MTX3: variants seen among roughly 807,000 people sequenced by gnomAD.
MTX3 encodes metaxin 3.
Under a neutral mutation model 42.5 loss-of-function variants are expected in MTX3, and 27 were observed. The ratio of observed to expected loss-of-function variants is 0.64; its 90% CI spans 0.47 to 0.88. The LOEUF is 0.88. Among genes scored for constraint, MTX3 ranks in the 40% least tolerant of loss-of-function variants. MTX3 has a pLI of 0.00. For missense variants in MTX3, 378 were observed against 367.0 expected (o/e 1.03, Z -0.25); for synonymous variants, 144 against 132.9 (o/e 1.08, Z -0.57).
rs1463800562 is a variant in MTX3 at position 79,981,371 on chromosome 5, T to C, written c.*2313A>G. 1.3e-5 allele frequency: 2 copies of C among 152,124 alleles called. No individual in the cohort carries two copies. The highest frequency in any genetic ancestry group is 6.6e-5 in the Admixed American group (1 of 15,266). The allele number at this position is 152,124 out of a possible 1,614,324, so 9.4% of individuals were successfully genotyped here. On this transcript the variant is annotated 3_prime_UTR_variant, in exon 9 of 9. Transcript: ENST00000512528. Reference sequence around the variant, plus strand: ...GGTGATCTGGAAGCATTATGGACTATAGTGAGAATGTAAGGCTAACAGCAG... The same window carrying C: ...GGTGATCTGGAAGCATTATGGACTACAGTGAGAATGTAAGGCTAACAGCAG...
chr5:79,983,606 T>C lies in MTX3; in HGVS notation c.*78A>G. ...CTTCCTTAATACCTATTATGGTATC[T>C]TCTTTTTGCCTTCACACACTTGGTG... On this transcript the variant is annotated 3_prime_UTR_variant, in exon 9 of 9. Coordinates refer to ENST00000512528, the MANE Select transcript of MTX3 (RefSeq NM_001363818.2). 9.7e-7 allele frequency: 1 copy of C among 1,029,748 alleles called. No homozygotes were observed. The allele number at this position is 1,029,748 out of a possible 1,614,324, so 63.8% of individuals were successfully genotyped here.
Position 79,990,909 on chromosome 5 carries a change from C to G in MTX3, c.82-246G>C, listed in dbSNP as rs1580892420. 10 of 708,632 alleles carry G rather than the reference C, an allele frequency of 1.4e-5. No homozygotes were observed. The East Asian group carries it at 2.7e-4, about 19-fold the overall frequency. The allele number at this position is 708,632 out of a possible 1,614,324, so 43.9% of individuals were successfully genotyped here. The stretch of plus-strand genomic sequence containing the variant: ...CCCCTTGCTTCGGGGTTTCACTCCA[C>G]CGCCCAGACAGCTTTGTGAGGCGGA... On this transcript the variant is annotated intron_variant, in intron 1 of 8. Transcript: ENST00000512528.
At chr5:79,990,991 T>C (rs1488313758) in intron 1 of MTX3, 167 bp downstream of exon 1, 3 of 779,826 alleles carry the variant, frequency 3.8e-6, no homozygotes, top group Admixed American at 2.0e-5. Flanking sequence ...TCGGCGGGGG[T>C]ATCGGCCAGG....
chr5:79,986,870 T>G (rs1831502713), intron 7 of MTX3, 80 bp downstream of exon 7: 3 of 1,391,646 alleles, frequency 2.2e-6, no homozygotes, highest in Non-Finnish European at 3.0e-6. Context: ...ACTTCTAAAA[T>G]TAAAATAAGT....
At position 79,990,216 on chromosome 5, in the gene MTX3, T is replaced by G. The variant is rs960089444; in HGVS notation, c.172A>C (p.Thr58Pro). The G allele has an allele frequency of 6.2e-7, 1 of 1,609,480 alleles. No homozygotes were observed. The highest frequency in any genetic ancestry group is 8.5e-7 in the Non-Finnish European group (1 of 1,177,908). Residue 58 changes from threonine (T) to proline (P), a missense_variant, in exon 3 of 9, where the codon ACT becomes CCT. Transcript: ENST00000512528. ...GGCTGAGAAACCATGTCGTCTTCAGTTGTCAAAATTGGTACATCGCCTATA... is the reference window on the plus strand; with the variant it reads ...GGCTGAGAAACCATGTCGTCTTCAGGTGTCAAAATTGGTACATCGCCTATA... ...GSRGDVPILT[T>P]EDDMVSQPAK...
At position 79,983,846 on chromosome 5, in the gene MTX3, T is replaced by G; in HGVS notation, c.829-52A>C. ...GACTAATGCTGTGGCACCGCTTATGTGGACTGTGGCCTCCCCATCCAAACT... is the reference window on the plus strand; with the variant it reads ...GACTAATGCTGTGGCACCGCTTATGGGGACTGTGGCCTCCCCATCCAAACT... On this transcript the variant is annotated intron_variant, in intron 8 of 8. Transcript: ENST00000512528. The G allele has an allele frequency of 3.2e-6, 4 of 1,236,612 alleles. No homozygotes were observed. The South Asian group carries it at 5.1e-5, about 16-fold the overall frequency. 76.6% of individuals were successfully genotyped at this position (1,236,612 alleles called of 1,614,324 possible). A position where few individuals can be genotyped will look rare whatever the true frequency, so the allele number is the denominator to read the frequency against.
chr5:79,989,394 C>T (rs536370246), intron 3 of MTX3, 150 bp from the exon 4 acceptor site: 26 of 601,642 alleles, frequency 4.3e-5, no homozygotes, highest in Admixed American at 2.8e-4. Context: ...CCAGTGAAAC[C>T]TATTGCTTAA....
In MTX3 at chr5:79,981,804, A is replaced by T. The variant is rs1561280173; in HGVS notation, c.*1880T>A. ...TAATTCTTTAAAATTTAAAATTTTT[A>T]AATTGTCCTGTTTTACATGTAATAT... is the stretch of plus-strand genomic sequence containing the variant. On this transcript the variant is annotated 3_prime_UTR_variant, in exon 9 of 9. Transcript: ENST00000512528. The T allele has an allele frequency of 6.6e-6, 1 of 151,920 alleles. No homozygotes were observed. Among genetic ancestry groups the T allele is most frequent in the South Asian group, 2.1e-4 (1 of 4,812 alleles). 9.4% of individuals were successfully genotyped at this position (151,920 alleles called of 1,614,324 possible).
rs1032468543 is a variant in MTX3 at position 79,987,618 on chromosome 5, C to T, written c.582-511G>A. On this transcript the variant is annotated intron_variant, in intron 6 of 8. Coordinates refer to ENST00000512528, the MANE Select transcript of MTX3 (RefSeq NM_001363818.2). ...CAAAAATTATGCAACCAAGGTTTTA[C>T]TCATTGAGTAGCTTAGACTCTAGGA... Among the ~76,000 whole-genome samples the T allele has an allele frequency of 2.6e-5, 4 of 151,948 alleles. No homozygotes were observed. In the South Asian group the frequency reaches 8.3e-4, roughly 32 times the overall value.
In MTX3 at chr5:79,985,555, T is replaced by C. The variant is rs760916016; in HGVS notation, c.828+16A>G. On this transcript the variant is annotated intron_variant, in intron 8 of 8. Transcript: ENST00000512528. ...AAAATACTGAACTATGATAAAATGA[T>C]TGAAGTAGACTTGACCTTTTCAATC... is the stretch of plus-strand genomic sequence containing the variant. The C allele has an allele frequency of 5.2e-6, 8 of 1,547,408 alleles. No individual in the cohort carries two copies. The highest frequency in any genetic ancestry group is 1.7e-5 in the Admixed American group (1 of 59,428).
chr5:79,983,441 TG>T lies in MTX3; in HGVS notation c.*242del, dbSNP rs1262317693. On this transcript the variant is annotated 3_prime_UTR_variant, in exon 9 of 9. Coordinates refer to ENST00000512528, the MANE Select transcript of MTX3 (RefSeq NM_001363818.2). ...GCAGTTCTTTGTATACAGTACGATG[TG>T]TTTTTCTTCCCCGCCCCCCCAACCA... The T allele has an allele frequency of 3.8e-6, 2 of 529,934 alleles. No individual in the cohort carries two copies. Among genetic ancestry groups the T allele is most frequent in the Non-Finnish European group, 6.7e-6 (2 of 296,376 alleles). 32.8% of individuals were successfully genotyped at this position (529,934 alleles called of 1,614,324 possible).
rs1335702602 is a variant in MTX3 at position 79,981,484 on chromosome 5, T to C, written c.*2200A>G. On this transcript the variant is annotated 3_prime_UTR_variant, in exon 9 of 9. Coordinates refer to ENST00000512528, the MANE Select transcript of MTX3 (RefSeq NM_001363818.2). ...AAGAATAATACTTGTTATTCTAAAA[T>C]GACCTCTTTTGATTAAAATTTCAGT... 6.6e-6 allele frequency: 1 copy of C among 152,232 alleles called. No individual in the cohort carries two copies. The highest frequency in any genetic ancestry group is 1.5e-5 in the Non-Finnish European group (1 of 68,044). The allele number at this position is 152,232 out of a possible 1,614,324, so 9.4% of individuals were successfully genotyped here. A position where few individuals can be genotyped will look rare whatever the true frequency, so the allele number is the denominator to read the frequency against.
rs558811960 is a variant in MTX3 at position 79,990,491 on chromosome 5, T to G, written c.151+103A>C. 40 of 804,310 alleles carry G rather than the reference T, an allele frequency of 5.0e-5. No homozygotes were observed. In the East Asian group the frequency reaches 1.1e-3, roughly 22 times the overall value. The allele number at this position is 804,310 out of a possible 1,614,324, so 49.8% of individuals were successfully genotyped here. On this transcript the variant is annotated intron_variant, in intron 2 of 8. Coordinates refer to ENST00000512528, the MANE Select transcript of MTX3 (RefSeq NM_001363818.2). ...AAACAACACAGAGCCAAGGTCACGG[T>G]AAGAAACTAAATCCTCAATATTATA...
intron 4 of MTX3, among the ~76,000 whole-genome samples, chr5:79,988,942 A>G (rs1364584714): frequency 6.6e-6 from 1 of 152,242 alleles, no homozygotes; most frequent in Non-Finnish European, 1.5e-5. Context: ...TCCCACAAAG[A>G]ATTTCCAACA....
In MTX3 at chr5:79,991,224, C is replaced by G. The variant is rs1554047328; in HGVS notation, c.15G>C (p.Leu5Phe). ...AGCCGCCTCCCCAGCAACTGAGTTC[C>G]AAGGGGGCCGCCATCTTGCGCGGGC... MAAP[L>F]ELSCWGGGWG... is the part of the protein sequence containing the mutation. The change falls in exon 1 of 9, where the codon TTG becomes TTC. Residue 5 changes from leucine (L) to phenylalanine (F), a missense_variant. Coordinates refer to ENST00000512528, the MANE Select transcript of MTX3 (RefSeq NM_001363818.2). 6.8e-7 allele frequency: 1 copy of G among 1,461,382 alleles called. No homozygotes were observed. Among genetic ancestry groups the G allele is most frequent in the African/African-American group, 1.4e-5 (1 of 70,254 alleles). 90.5% of individuals were successfully genotyped at this position (1,461,382 alleles called of 1,614,324 possible).
chr5:79,986,127 T>G (rs1831484194), intron 7 of MTX3, among the ~76,000 whole-genome samples: 1 of 152,148 alleles, frequency 6.6e-6, no homozygotes, highest in African/African-American at 2.4e-5. Flanking sequence ...CTAGGATTGA[T>G]GCCTAAAAGA....
chr5:79,979,868 ATATT>A lies in MTX3; in HGVS notation c.*3812_*3815del, dbSNP rs1291742063. 1.3e-5 allele frequency: 2 copies of A among 152,018 alleles called. No homozygotes were observed. Among genetic ancestry groups the A allele is most frequent in the African/African-American group, 2.4e-5 (1 of 41,412 alleles). The allele number at this position is 152,018 out of a possible 1,614,324, so 9.4% of individuals were successfully genotyped here. A position where few individuals can be genotyped will look rare whatever the true frequency, so the allele number is the denominator to read the frequency against. ...AAAAATTCTATTTAACTTCTATCAT[ATATT>A]TATTCAACTAAGTTGAATACTATGT... On this transcript the variant is annotated 3_prime_UTR_variant, in exon 9 of 9. Transcript: ENST00000512528.
rs1831289051 is a variant in MTX3, at chr5:79,977,915, A to G, written c.*5769T>C. 6.6e-6 allele frequency: 1 copy of G among 152,178 alleles called. No homozygotes were observed. Among genetic ancestry groups the G allele is most frequent in the African/African-American group, 2.4e-5 (1 of 41,428 alleles). The allele number at this position is 152,178 out of a possible 1,614,324, so 9.4% of individuals were successfully genotyped here. A position where few individuals can be genotyped will look rare whatever the true frequency, so the allele number is the denominator to read the frequency against. ...AAGTACAGCCAGAAAAGGTTTGGAA[A>G]ATTGTTCTGGAAATACAAGTTGGTT... On this transcript the variant is annotated 3_prime_UTR_variant, in exon 9 of 9. Transcript: ENST00000512528.
chr5:79,987,157 A>G, intron 6 of MTX3, 50 bp from the exon 7 acceptor site: 1 of 1,565,682 alleles, frequency 6.4e-7, no homozygotes, highest in Non-Finnish European at 8.8e-7. Flanking sequence ...TATTAACTGA[A>G]GGCCGGGTGT....
Sources: allele counts gnomAD v4.1 joint callset (sites outside exome capture counted in the v4.1 genomes callset), GRCh38; gene constraint gnomAD v4.1.1; transcripts MANE v1.5; gene names NCBI Gene and HGNC (gene_info 2026-07-23, HGNC 2026-07-21).